Variants in DUSP16 observed in about 807,000 individuals in gnomAD.
DUSP16 encodes the protein dual specificity phosphatase 16, also known as dual specificity protein phosphatase 16.
In DUSP16, 21 loss-of-function variants were observed where a neutral mutation model predicts 58.3. The observed-to-expected ratio is 0.36, with a 90% CI of 0.26 to 0.52. The LOEUF is 0.52. DUSP16 is among the 20% of genes least tolerant of loss of function. The probability of loss-of-function intolerance (pLI) is 0.94; values close to 1 mark genes in which losing one functional copy is unlikely to be tolerated. For missense variants in DUSP16, 726 were observed against 819.0 expected (o/e 0.89, Z 1.39); for synonymous variants, 320 against 323.8 (o/e 0.99, Z 0.12).
In DUSP16 at chr12:12,562,123, GGCC is replaced by G; in HGVS notation, c.-375_-373del. On this transcript the variant is annotated 5_prime_UTR_variant, in exon 1 of 7. Transcript: ENST00000298573. ...GCCCGCCAAGGCCACTTACTTTTGG[GGCC>G]GCCGACCTCCCAATTCCCTCAGAGG... The G allele has an allele frequency of 6.6e-6, 1 of 151,802 alleles. No individual in the cohort carries two copies. The highest frequency in any genetic ancestry group is 2.4e-5 in the African/African-American group (1 of 41,478). 9.4% of individuals were successfully genotyped at this position (151,802 alleles called of 1,614,324 possible).
At position 12,506,627 on chromosome 12, in the gene DUSP16, T is replaced by A. The variant is rs574639629; in HGVS notation, c.368-5945A>T. Among the ~76,000 whole-genome samples the A allele has an allele frequency of 5.3e-5, 8 of 152,372 alleles. No homozygotes were observed. In the East Asian group the frequency reaches 1.5e-3, roughly 29 times the overall value. On this transcript the variant is annotated intron_variant, in intron 3 of 6. Transcript: ENST00000298573. Reference sequence around the variant, plus strand: ...CACATGTGTTTCCCTAACATGGACCTGAACCTAAGAATGACTGTGCCCCCT... The same window carrying A: ...CACATGTGTTTCCCTAACATGGACCAGAACCTAAGAATGACTGTGCCCCCT...
Position 12,476,869 on chromosome 12 carries a change from G to A in DUSP16, c.1962C>T (p.Ser654=), listed in dbSNP as rs1436011125. Residue 654 remains serine, a synonymous_variant, in exon 7 of 7, where the codon AGC becomes AGT. Coordinates refer to ENST00000298573, the MANE Select transcript of DUSP16 (RefSeq NM_030640.3). ...EELGKVGSQS[S]FSGSMEIIEV... is the part of the protein sequence containing the mutation. ...CAATGATTTCCATGCTGCCCGAAAAGCTAGACTGACTGCCCACTTTCCCCA... is the reference window on the plus strand; with the variant it reads ...CAATGATTTCCATGCTGCCCGAAAAACTAGACTGACTGCCCACTTTCCCCA... 3 of 1,611,800 alleles carry A rather than the reference G, an allele frequency of 1.9e-6. No homozygotes were observed. Among genetic ancestry groups the A allele is most frequent in the Non-Finnish European group, 2.5e-6 (3 of 1,179,840 alleles).
chr12:12,514,999 G>A lies in DUSP16; in HGVS notation c.367+4863C>T, dbSNP rs552331539. Among the ~76,000 whole-genome samples the A allele has an allele frequency of 2.0e-4, 30 of 152,154 alleles. 1 individual carries two copies. In the South Asian group the frequency reaches 6.2e-3, roughly 32 times the overall value. On this transcript the variant is annotated intron_variant, in intron 3 of 6. Transcript: ENST00000298573. ...ATACCCAGATTACCTATTGCTCCCA[G>A]GAAGTTGGTCTTCTCTACGTTTATG...
rs180875014 is a variant in DUSP16 at position 12,506,593 on chromosome 12, A to G, written c.368-5911T>C. ...ATCTGGGAATGCAGAAAACAAAGTC[A>G]TAGTAACCCACATGTGTTTCCCTAA... is the stretch of plus-strand genomic sequence containing the variant. On this transcript the variant is annotated intron_variant, in intron 3 of 6. Transcript: ENST00000298573. Among the ~76,000 whole-genome samples, 570 of 152,362 alleles carry G rather than the reference A, an allele frequency of 3.7e-3. 5 individuals carry two copies. Among genetic ancestry groups the G allele is most frequent in the Middle Eastern group, 3.4e-3 (1 of 294 alleles).
chr12:12,557,807 G>A (rs1416066054), intron 1 of DUSP16, among the ~76,000 whole-genome samples: 11 of 152,072 alleles, frequency 7.2e-5, no homozygotes, highest in Admixed American at 7.2e-4. Context: ...GTTACGTAAG[G>A]GCAAAAACTT....
chr12:12,529,627 T>C (rs1480622991), intron 1 of DUSP16, among the ~76,000 whole-genome samples: 1 of 152,174 alleles, frequency 6.6e-6, no homozygotes, highest in Non-Finnish European at 1.5e-5. Flanking sequence ...GTACAATAGA[T>C]CCTTGAACGT....
intron 1 of DUSP16, among the ~76,000 whole-genome samples, chr12:12,538,952 G>A (rs1242267400): frequency 6.6e-6 from 1 of 152,216 alleles, no homozygotes; most frequent in Non-Finnish European, 1.5e-5. Flanking sequence ...GAGCATTTTG[G>A]CTAACAGAGT....
chr12:12,479,717 TCA>T (rs1231095449), intron 6 of DUSP16, among the ~76,000 whole-genome samples: 2 of 152,192 alleles, frequency 1.3e-5, no homozygotes, highest in African/African-American at 2.4e-5. Context: ...CCAGTCAAAA[TCA>T]CACACACACA....
chr12:12,556,265 T>C (rs572246282), intron 1 of DUSP16, among the ~76,000 whole-genome samples: 1 of 152,298 alleles, frequency 6.6e-6, no homozygotes, highest in Non-Finnish European at 1.5e-5. Flanking sequence ...ATTTCACCTA[T>C]AAAAAAGTTT....
At chr12:12,557,591 C>T (rs1024871511) in intron 1 of DUSP16, among the ~76,000 whole-genome samples, 3 of 150,734 alleles carry the variant, frequency 2.0e-5, no homozygotes, top group Non-Finnish European at 4.4e-5. Context: ...TTCATTTGGA[C>T]TGCACATGAA....
chr12:12,481,183 AT>A (rs1357936246), intron 5 of DUSP16, among the ~76,000 whole-genome samples: 16 of 152,326 alleles, frequency 1.1e-4, no homozygotes, highest in African/African-American at 3.4e-4. Context: ...TTATTGTCTT[AT>A]GGCATTATCT....
intron 1 of DUSP16, among the ~76,000 whole-genome samples, chr12:12,545,624 G>A (rs772095792): frequency 6.6e-6 from 1 of 152,034 alleles, no homozygotes; most frequent in Non-Finnish European, 1.5e-5. Flanking sequence ...CTTACATAAA[G>A]TAAAATTAAT....
At chr12:12,526,977 C>T (rs1227879827) in intron 1 of DUSP16, among the ~76,000 whole-genome samples, 2 of 152,118 alleles carry the variant, frequency 1.3e-5, no homozygotes, top group East Asian at 3.9e-4. Flanking sequence ...AGGCACAACT[C>T]CATTTTAAAC....
chr12:12,545,461 C>A (rs999566448), intron 1 of DUSP16, among the ~76,000 whole-genome samples: 8 of 106,168 alleles, frequency 7.5e-5, no homozygotes, highest in Admixed American at 1.9e-4. Context: ...TTTTTTTTTT[C>A]CGTAAAGACA....
At chr12:12,531,301 T>A (rs1198775871) in intron 1 of DUSP16, among the ~76,000 whole-genome samples, 1 of 152,150 alleles carries the variant, frequency 6.6e-6, no homozygotes, top group East Asian at 1.9e-4. Flanking sequence ...ATAGTAATAT[T>A]CCATAATTTA....
chr12:12,553,313 A>G (rs1363173173), intron 1 of DUSP16, among the ~76,000 whole-genome samples: 2 of 152,174 alleles, frequency 1.3e-5, no homozygotes, highest in Non-Finnish European at 2.9e-5. Context: ...GGACACCTGA[A>G]TATGAATCAG....
At chr12:12,516,955 C>T (rs1443390233) in intron 3 of DUSP16, among the ~76,000 whole-genome samples, 1 of 152,236 alleles carries the variant, frequency 6.6e-6, no homozygotes, top group Non-Finnish European at 1.5e-5. Context: ...CCACTTCCTT[C>T]TCCTTCAGTA....
At chr12:12,544,178 C>T (rs769623349) in intron 1 of DUSP16, among the ~76,000 whole-genome samples, 1 of 152,108 alleles carries the variant, frequency 6.6e-6, no homozygotes, top group Non-Finnish European at 1.5e-5. Context: ...CCAAAGGTAA[C>T]CACGAACCTG....
chr12:12,559,933 A>G (rs1017386845), intron 1 of DUSP16, among the ~76,000 whole-genome samples: 2 of 152,162 alleles, frequency 1.3e-5, no homozygotes, highest in South Asian at 4.1e-4. Flanking sequence ...AAAAAGGAAA[A>G]GAACCGGGGT....
Sources: gnomAD v4.1 joint callset for allele counts (sites outside exome capture counted in the v4.1 genomes callset) on GRCh38, gnomAD v4.1.1 for gene constraint, MANE v1.5 for transcripts, NCBI Gene and HGNC (gene_info 2026-07-23, HGNC 2026-07-21) for gene names.